HMGCLL1: variants seen among roughly 807,000 people sequenced by gnomAD.
HMGCLL1 encodes 3-hydroxy-3-methylglutaryl-CoA lyase like 1.
Under a neutral mutation model 39.1 loss-of-function variants are expected in HMGCLL1, and 36 were observed. That is an observed-to-expected ratio of 0.92 (90% CI 0.71 to 1.22). The LOEUF is 1.22. Ranked by LOEUF, HMGCLL1 falls within the 50% of genes most tolerant of loss-of-function variation. HMGCLL1 has a pLI of 0.00. For missense variants in HMGCLL1, 451 were observed against 416.5 expected (o/e 1.08, Z -0.72); for synonymous variants, 149 against 144.0 (o/e 1.03, Z -0.25).
At chr6:55,571,033 A>T (rs1057127166) in intron 1 of HMGCLL1, among the ~76,000 whole-genome samples, 2 of 152,118 alleles carry the variant, frequency 1.3e-5, no homozygotes, top group Admixed American at 6.5e-5. Flanking sequence ...TGCGGGGAAC[A>T]CCCCTATGAT....
At chr6:55,577,714 T>C (rs1659870109) in intron 1 of HMGCLL1, among the ~76,000 whole-genome samples, 1 of 152,198 alleles carries the variant, frequency 6.6e-6, no homozygotes, top group Non-Finnish European at 1.5e-5. Flanking sequence ...TATAAGTTAA[T>C]GGTTCCTGAT....
the HMGCLL1 span, among the ~76,000 whole-genome samples, chr6:55,593,788 C>A: frequency 1.3e-5 from 2 of 152,096 alleles, no homozygotes; most frequent in Non-Finnish European, 2.9e-5. Flanking sequence ...AACAGTTTCT[C>A]ATATATTAGT....
chr6:55,593,631 C>G, the HMGCLL1 span, among the ~76,000 whole-genome samples: 1 of 152,060 alleles, frequency 6.6e-6, no homozygotes, highest in East Asian at 1.9e-4. Context: ...AGTGTAATAA[C>G]CAAGTTTTAT....
At chr6:55,472,432 C>T (rs1765088419) in intron 7 of HMGCLL1, among the ~76,000 whole-genome samples, 1 of 150,640 alleles carries the variant, frequency 6.6e-6, no homozygotes, top group African/African-American at 2.4e-5. Context: ...TGTGCAGTGT[C>T]TCTTCAAGTT....
At chr6:55,666,847 A>T in the HMGCLL1 span, among the ~76,000 whole-genome samples, 1 of 151,728 alleles carries the variant, frequency 6.6e-6, no homozygotes, top group Non-Finnish European at 1.5e-5. Context: ...CCTTAACCAG[A>T]CATGGGAGGA....
the HMGCLL1 span, among the ~76,000 whole-genome samples, chr6:55,652,303 G>T: frequency 1.3e-5 from 2 of 151,584 alleles, no homozygotes; most frequent in African/African-American, 4.8e-5. Context: ...GGACTTCAAT[G>T]TTGTCATACC....
chr6:55,673,513 C>A, the HMGCLL1 span, among the ~76,000 whole-genome samples: 41 of 151,992 alleles, frequency 2.7e-4, no homozygotes, highest in African/African-American at 9.2e-4. Context: ...AGTTTTAAAC[C>A]TACACAAGGG....
the HMGCLL1 span, among the ~76,000 whole-genome samples, chr6:55,670,429 T>C: frequency 6.6e-6 from 1 of 151,838 alleles, no homozygotes; most frequent in Non-Finnish European, 1.5e-5. Context: ...AACAAAATGG[T>C]AAACATCTGA....
the HMGCLL1 span, among the ~76,000 whole-genome samples, chr6:55,665,648 T>A: frequency 6.6e-6 from 1 of 151,754 alleles, no homozygotes; most frequent in Admixed American, 6.6e-5. Flanking sequence ...TTTTTATCCT[T>A]GTTGGAAAAT....
At chr6:55,470,830 G>C (rs748546219) in intron 7 of HMGCLL1, among the ~76,000 whole-genome samples, 16 of 151,630 alleles carry the variant, frequency 1.1e-4, no homozygotes, top group African/African-American at 3.9e-4. Flanking sequence ...GCAGGAGAGA[G>C]AGCATGAAGA....
chr6:55,632,026 T>A, the HMGCLL1 span, among the ~76,000 whole-genome samples: 1 of 152,152 alleles, frequency 6.6e-6, no homozygotes, highest in Non-Finnish European at 1.5e-5. Flanking sequence ...TTAAGGTTTT[T>A]TTGTTTGTTT....
chr6:55,538,681 T>C (rs1769165725), intron 3 of HMGCLL1, among the ~76,000 whole-genome samples: 1 of 152,124 alleles, frequency 6.6e-6, no homozygotes, highest in South Asian at 2.1e-4. Flanking sequence ...CTCAGACTGA[T>C]TGATTTATTT....
the HMGCLL1 span, among the ~76,000 whole-genome samples, chr6:55,610,245 G>A: frequency 2.0e-5 from 3 of 152,024 alleles, no homozygotes; most frequent in East Asian, 5.8e-4. Flanking sequence ...CTTAGGTAAA[G>A]GAGCATGTCC....
chr6:55,677,351 G>A, the HMGCLL1 span, among the ~76,000 whole-genome samples: 12 of 152,000 alleles, frequency 7.9e-5, no homozygotes, highest in Admixed American at 4.6e-4. Flanking sequence ...GTGACAGAGC[G>A]AGACCCTATC....
chr6:55,533,841 G>T (rs1269790425), intron 3 of HMGCLL1, among the ~76,000 whole-genome samples: 2 of 128,980 alleles, frequency 1.6e-5, no homozygotes, highest in Admixed American at 9.7e-5. Context: ...AGCCGAGATC[G>T]CGCCACTGCA....
At chr6:55,633,338 G>T in the HMGCLL1 span, among the ~76,000 whole-genome samples, 1 of 151,708 alleles carries the variant, frequency 6.6e-6, no homozygotes, top group Non-Finnish European at 1.5e-5. Flanking sequence ...AATATGGTTG[G>T]GCTAGTTATT....
chr6:55,598,335 T>C, the HMGCLL1 span, among the ~76,000 whole-genome samples: 1,219 of 152,288 alleles, frequency 8.0e-3, 13 homozygotes, highest in Non-Finnish European at 9.7e-3. Context: ...TAGAGAGCAA[T>C]GTTTCTGCCA....
At chr6:55,505,782 T>C (rs1767124276) in intron 5 of HMGCLL1, among the ~76,000 whole-genome samples, 1 of 151,768 alleles carries the variant, frequency 6.6e-6, no homozygotes, top group Non-Finnish European at 1.5e-5. Context: ...GGTTAATTTA[T>C]CTGCGTAGTT....
the HMGCLL1 span, among the ~76,000 whole-genome samples, chr6:55,672,929 C>T: frequency 6.6e-6 from 1 of 151,850 alleles, no homozygotes; most frequent in Non-Finnish European, 1.5e-5. Flanking sequence ...GGAATTTTTT[C>T]TTAAGTATGT....
Sources: gnomAD v4.1 joint callset for allele counts (sites outside exome capture counted in the v4.1 genomes callset) on GRCh38, gnomAD v4.1.1 for gene constraint, MANE v1.5 for transcripts, NCBI Gene and HGNC (gene_info 2026-07-23, HGNC 2026-07-21) for gene names.